The following RC3H2 variants were observed in gnomAD, a reference collection of about 807,000 sequenced individuals.
RC3H2 encodes the protein roquin-2.
A neutral mutation model predicts 133.3 loss-of-function variants in RC3H2; 31 were observed. The observed-to-expected ratio is 0.23, with a 90% CI of 0.17 to 0.31. RC3H2 has a LOEUF of 0.31. RC3H2 is among the 10% of genes least tolerant of loss of function. The probability of loss-of-function intolerance (pLI) is 1.00; values close to 1 mark genes in which losing one functional copy is unlikely to be tolerated. For missense variants in RC3H2, 1,175 were observed against 1,437.2 expected, an observed-to-expected ratio of 0.82 and a Z score of 2.95; for synonymous variants, 517 against 502.2, an observed-to-expected ratio of 1.03 and a Z score of -0.40.
intron 1 of RC3H2, among the ~76,000 whole-genome samples, chr9:122,904,017 A>G (rs1346000550): frequency 1.3e-5 from 2 of 152,202 alleles, no homozygotes; most frequent in African/African-American, 4.8e-5. Context: ...CTTTTGAGTG[A>G]CTTTATACCA....
chr9:122,884,090 C>G (rs1411738595), intron 4 of RC3H2, among the ~76,000 whole-genome samples: 1 of 151,954 alleles, frequency 6.6e-6, no homozygotes, highest in Non-Finnish European at 1.5e-5. Context: ...GTCAGGAGAT[C>G]GATACCATCC....
intron 3 of RC3H2, among the ~76,000 whole-genome samples, chr9:122,891,463 TCA>T (rs1564316145): frequency 6.6e-6 from 1 of 152,208 alleles, no homozygotes; most frequent in Non-Finnish European, 1.5e-5. Flanking sequence ...ATTCCTTGTT[TCA>T]CAATCTCTGA....
chr9:122,892,873 C>A, intron 3 of RC3H2, 36 bp downstream of exon 3: 1 of 1,507,516 alleles, frequency 6.6e-7, no homozygotes, highest in Non-Finnish European at 9.2e-7. Context: ...ACTACCAAGT[C>A]CTACTTATCA....
intron 1 of RC3H2, among the ~76,000 whole-genome samples, chr9:122,903,639 G>C (rs1395983352): frequency 6.6e-6 from 1 of 152,182 alleles, no homozygotes; most frequent in Non-Finnish European, 1.5e-5. Context: ...CATAGAACAA[G>C]TGCCTGTTTG....
Position 122,847,366 on chromosome 9 carries a change from G to C in RC3H2, c.*2261C>G, listed in dbSNP as rs899863907. ...TTGCACAGAGGGTTCTTTCCCTGAG[G>C]GCACATAAGGAGCTCTCAAACTGTT... On this transcript the variant is annotated 3_prime_UTR_variant, in exon 21 of 21. Transcript: ENST00000357244. The C allele has an allele frequency of 1.3e-5, 2 of 151,946 alleles. No homozygotes were observed. The highest frequency in any genetic ancestry group is 4.8e-5 in the African/African-American group (2 of 41,362). The allele number at this position is 151,946 out of a possible 1,614,324, so 9.4% of individuals were successfully genotyped here.
chr9:122,851,895 T>C (rs1453728477), intron 18 of RC3H2, among the ~76,000 whole-genome samples: 2 of 152,086 alleles, frequency 1.3e-5, no homozygotes, highest in East Asian at 3.9e-4. Flanking sequence ...AAAGCCGAGA[T>C]TGCAGCCTCT....
chr9:122,875,125 G>C, intron 9 of RC3H2: 1 of 1,489,716 alleles, frequency 6.7e-7, no homozygotes. Context: ...TCTGTATATA[G>C]AACTAGTTCG....
At chr9:122,879,117 CAGGCACGATGGCTCACGCCT>C in intron 8 of RC3H2, among the ~76,000 whole-genome samples, 1 of 150,978 alleles carries the variant, frequency 6.6e-6, no homozygotes, top group Admixed American at 6.6e-5. Flanking sequence ...AAATTTCGGC[CAGGCACGATGGCTCACGCCT>C]GTAATCCCAG....
intron 12 of RC3H2, 82 bp from the exon 13 acceptor site, chr9:122,858,175 TTA>T: frequency 1.5e-6 from 2 of 1,304,344 alleles, no homozygotes; most frequent in Non-Finnish European, 2.2e-6. Flanking sequence ...TGTAAACAGT[TTA>T]TGATATTGTT....
At position 122,854,040 on chromosome 9, in the gene RC3H2, G is replaced by A. The variant is rs866371602; in HGVS notation, c.3029C>T (p.Ala1010Val). 6.2e-7 allele frequency: 1 copy of A among 1,614,106 alleles called. No individual in the cohort carries two copies. The highest frequency in any genetic ancestry group is 8.5e-7 in the Non-Finnish European group (1 of 1,180,040). ...CAGGGAATTCCACTTCTGTTGCATGGCCAAAGCATTGGCCTCTCTCTGAAG... is the reference window on the plus strand; with the variant it reads ...CAGGGAATTCCACTTCTGTTGCATGACCAAAGCATTGGCCTCTCTCTGAAG... The part of the protein sequence containing the change: ...LLLQREANAL[A>V]MQQKWNSLDE... Residue 1010 changes from alanine (A) to valine (V), a missense_variant, in exon 18 of 21, where the codon GCC becomes GTC. By Grantham distance (64) the Ala-to-Val change is moderately conservative. This residue lies in a region of RC3H2 where 138 missense variants were observed against 215.0 expected (regional missense o/e 0.64). Transcript: ENST00000357244.
At position 122,846,791 on chromosome 9, in the gene RC3H2, AT is replaced by A. The variant is rs1448941944; in HGVS notation, c.*2835del. ...AGGCCAAATGACGGGAAATGCCTCA[AT>A]TTTAAAAAGTCATATCCTAGGTCTG... On this transcript the variant is annotated 3_prime_UTR_variant, in exon 21 of 21. Transcript: ENST00000357244. 2.6e-5 allele frequency: 4 copies of A among 152,132 alleles called. No individual in the cohort carries two copies. Among genetic ancestry groups the A allele is most frequent in the Non-Finnish European group, 5.9e-5 (4 of 67,992 alleles). 9.4% of individuals were successfully genotyped at this position (152,132 alleles called of 1,614,324 possible). A position where few individuals can be genotyped will look rare whatever the true frequency, so the allele number is the denominator to read the frequency against.
intron 1 of RC3H2, 46 bp from the exon 2 acceptor site, chr9:122,897,622 C>T (rs1588115444): frequency 7.5e-7 from 1 of 1,326,832 alleles, no homozygotes; most frequent in African/African-American, 1.5e-5. Context: ...TCATCATTCA[C>T]CTTTGAAGAG....
rs1293851077 is a variant in RC3H2 at position 122,845,724 on chromosome 9, T to G, written c.*3903A>C. The G allele has an allele frequency of 6.6e-6, 1 of 152,148 alleles. No individual in the cohort carries two copies. 9.4% of individuals were successfully genotyped at this position (152,148 alleles called of 1,614,324 possible). A position where few individuals can be genotyped will look rare whatever the true frequency, so the allele number is the denominator to read the frequency against. ...GACATTACTAGCAAACTTCTTCAAT[T>G]TATCCAGAAAATGGGATACTCCTTG... On this transcript the variant is annotated 3_prime_UTR_variant, in exon 21 of 21. Transcript: ENST00000357244.
At chr9:122,861,749 A>G (rs957179558) in intron 10 of RC3H2, among the ~76,000 whole-genome samples, 1 of 152,198 alleles carries the variant, frequency 6.6e-6, no homozygotes, top group African/African-American at 2.4e-5. Context: ...ATATAAAGAA[A>G]AAGGTATATG....
chr9:122,871,506 TG>T (rs34377701), intron 9 of RC3H2, among the ~76,000 whole-genome samples: 11,884 of 127,376 alleles, frequency 0.093, 1,399 homozygotes, highest in East Asian at 0.61. Context: ...ACCGTGTTAG[TG>T]GGGGGGGGGG....
At chr9:122,884,965 T>C (rs1415789084) in intron 4 of RC3H2, among the ~76,000 whole-genome samples, 1 of 151,912 alleles carries the variant, frequency 6.6e-6, no homozygotes, top group Non-Finnish European at 1.5e-5. Context: ...TAAAGACGAC[T>C]AAAAAGAGAC....
chr9:122,890,443 G>A lies in RC3H2; in HGVS notation c.452C>T (p.Ala151Val). 6.2e-7 allele frequency: 1 copy of A among 1,614,126 alleles called. No homozygotes were observed. The highest frequency in any genetic ancestry group is 8.5e-7 in the Non-Finnish European group (1 of 1,180,016). ...TCCAAGGGAACGAGCTGCTCGCATG[G>A]CTCTTACACGACCTTCTTCCTCCAC... is the stretch of plus-strand genomic sequence containing the variant. ...QLVEEEGRVR[A>V]MRAARSLGER... Residue 151 changes from alanine to valine, a missense_variant, in exon 4 of 21, where the codon GCC becomes GTC. Transcript: ENST00000357244.
chr9:122,851,468 C>CCCT, intron 18 of RC3H2, 32 bp from the exon 19 acceptor site: 2 of 1,604,352 alleles, frequency 1.2e-6, no homozygotes, highest in South Asian at 2.2e-5. Context: ...CTCTCCCTCT[C>CCCT]CCTCTCCCTC....
intron 10 of RC3H2, among the ~76,000 whole-genome samples, chr9:122,864,781 C>A (rs952515780): frequency 2.0e-5 from 3 of 151,996 alleles, no homozygotes; most frequent in Admixed American, 2.0e-4. Flanking sequence ...CCACCATGCC[C>A]GGCTAATTTT....
Sources: gnomAD v4.1 joint callset for allele counts (sites outside exome capture counted in the v4.1 genomes callset) on GRCh38, gnomAD v4.1.1 for gene constraint, gnomAD v4.1.1 regional missense constraint, MANE v1.5 for transcripts, NCBI Gene and HGNC (gene_info 2026-07-23, HGNC 2026-07-21) for gene names.